Variants in THOC2 observed in about 807,000 individuals in gnomAD.
THOC2 encodes THO complex subunit 2.
THOC2 carries 10 observed loss-of-function variants against 128.4 expected under a neutral mutation model. That is an observed-to-expected ratio of 0.08 (90% confidence interval 0.05 to 0.13). THOC2 has a LOEUF of 0.13. Ranked by LOEUF, THOC2 falls within the 10% of genes least tolerant of loss-of-function variation. THOC2 has a pLI of 1.00. For synonymous variants in THOC2, 393 were observed against 396.9 expected (o/e 0.99, Z 0.12); for missense variants, 535 against 1,155.7 (o/e 0.46, Z 7.79).
chrX:123,673,333 C>T (rs1161123861), intron 8 of THOC2, among the ~76,000 whole-genome samples: 2 of 111,759 alleles, frequency 1.8e-5, no homozygotes, highest in Non-Finnish European at 3.8e-5. Context: ...AGAGAGACTC[C>T]ATCTCAAAAT....
intron 2 of THOC2, among the ~76,000 whole-genome samples, chrX:123,711,201 GT>G (rs1363863119): frequency 4.2e-5 from 4 of 95,466 alleles, no homozygotes; most frequent in African/African-American, 3.8e-5. Flanking sequence ...TTTTGTTTTT[GT>G]TTTTTTTTTG....
chrX:123,653,946 A>G (rs946010571), intron 12 of THOC2, among the ~76,000 whole-genome samples: 3 of 111,998 alleles, frequency 2.7e-5, no homozygotes, highest in Non-Finnish European at 5.6e-5. Flanking sequence ...CTATAAAGAC[A>G]CATGCACACG....
Position 123,703,376 on chromosome X carries a change from A to G in THOC2, c.274+78T>C. 6.2e-6 allele frequency: 4 copies of G among 642,761 alleles called. No homozygotes were observed. In the South Asian group the frequency reaches 1.1e-4, roughly 17 times the overall value. 53.0% of individuals were successfully genotyped at this position (642,761 alleles called of 1,213,427 possible). A position where few individuals can be genotyped will look rare whatever the true frequency, so the allele number is the denominator to read the frequency against. ...TTGCAGAAACATTTGTAAAATTCTT[A>G]GTTTAAAACATTTTATTTAACAAAC... On this transcript the variant is annotated intron_variant, in intron 4 of 38. Transcript: ENST00000245838.
intron 23 of THOC2, 78 bp downstream of exon 23, chrX:123,627,615 G>T: frequency 2.0e-6 from 2 of 1,008,601 alleles, no homozygotes; most frequent in Non-Finnish European, 1.4e-6. Context: ...AGGAACCAGA[G>T]CTAAAACAAT....
intron 8 of THOC2, among the ~76,000 whole-genome samples, chrX:123,681,667 A>G (rs1363837514): frequency 8.9e-6 from 1 of 112,340 alleles, no homozygotes; most frequent in East Asian, 2.8e-4. Flanking sequence ...TCTAAATTAA[A>G]AGAGACGAAG....
chrX:123,627,556 T>C, intron 23 of THOC2, 137 bp downstream of exon 23: 1 of 652,108 alleles, frequency 1.5e-6, no homozygotes, highest in Non-Finnish European at 2.3e-6. Context: ...GAAGTAACTA[T>C]TAAACCCCAT....
At chrX:123,603,393 C>A (rs1348600308) in intron 38 of THOC2, 1 of 328,313 alleles carries the variant, frequency 3.0e-6, no homozygotes, top group African/African-American at 2.7e-5. Flanking sequence ...CATTAAGGAA[C>A]TGGTTCCTGG....
chrX:123,619,460 C>T, intron 32 of THOC2, 24 bp from the exon 33 acceptor site: 1 of 1,207,214 alleles, frequency 8.3e-7, no homozygotes, highest in Non-Finnish European at 1.1e-6. Context: ...ATGGAGATGA[C>T]AGGTGAGCTG....
intron 12 of THOC2, among the ~76,000 whole-genome samples, chrX:123,659,578 A>G (rs1370999923): frequency 8.9e-6 from 1 of 112,269 alleles, no homozygotes; most frequent in Non-Finnish European, 1.9e-5. Context: ...TCAAAAAAAA[A>G]CAAAAACAAA....
In THOC2 at chrX:123,627,033, A is replaced by T. The variant is rs139154129; in HGVS notation, c.2758-371T>A. On this transcript the variant is annotated intron_variant, in intron 23 of 38. Coordinates refer to ENST00000245838, the MANE Select transcript of THOC2 (RefSeq NM_001081550.2). ...AGCCACCTAGCTGGTCTTTAGCCTA[A>T]TGCTAGTCAAAAAGCATCTTTCATA... Among the ~76,000 whole-genome samples the T allele has an allele frequency of 7.3e-3, 817 of 112,327 alleles. 6 individuals are homozygous for T. Among genetic ancestry groups the T allele is most frequent in the African/African-American group, 0.025 (763 of 30,975 alleles).
chrX:123,650,166 G>A (rs1442301188), intron 12 of THOC2, among the ~76,000 whole-genome samples: 3 of 111,628 alleles, frequency 2.7e-5, no homozygotes, highest in East Asian at 2.8e-4. Context: ...CATTCTTAAA[G>A]AAAAGAATTT....
chrX:123,683,289 A>G (rs1277980253), intron 8 of THOC2, among the ~76,000 whole-genome samples: 1 of 110,823 alleles, frequency 9.0e-6, no homozygotes, highest in East Asian at 2.8e-4. Flanking sequence ...TACTAGCATT[A>G]AGGGGAAAAA....
rs181114271 is a variant in THOC2, at chrX:123,624,205, G to A, written c.3187-14C>T. 1 of 1,160,006 alleles carries A rather than the reference G, an allele frequency of 8.6e-7. No individual in the cohort carries two copies. Among genetic ancestry groups the A allele is most frequent in the Non-Finnish European group, 1.1e-6 (1 of 874,296 alleles). ...GTTTCCACATTCCTAAGGAAACAATGTTTGTCACTTTTAAAGAAAAATTAT... is the reference window on the plus strand; with the variant it reads ...GTTTCCACATTCCTAAGGAAACAATATTTGTCACTTTTAAAGAAAAATTAT... On this transcript the variant is annotated splice_polypyrimidine_tract_variant and intron_variant, in intron 26 of 38. Coordinates refer to ENST00000245838, the MANE Select transcript of THOC2 (RefSeq NM_001081550.2).
rs1334718105 is a variant in THOC2 at position 123,682,221 on chromosome X, T to C, written c.768+4327A>G. Among the ~76,000 whole-genome samples the C allele has an allele frequency of 4.4e-5, 5 of 112,828 alleles. No homozygotes were observed. In the East Asian group the frequency reaches 8.2e-4, roughly 19 times the overall value. ...ATGGGGTTATAAGTATTCATTATAC[T>C]ATTCACTCTTTTCTACATTTGAAAA... On this transcript the variant is annotated intron_variant, in intron 8 of 38. Transcript: ENST00000245838.
Position 123,653,601 on chromosome X carries a change from G to A in THOC2, c.1387-8226C>T, listed in dbSNP as rs748501846. 1.1e-3 allele frequency among the ~76,000 whole-genome samples: 120 copies of A among 110,864 alleles called. 2 individuals are homozygous for A. Among genetic ancestry groups the A allele is most frequent in the African/African-American group, 3.1e-3 (96 of 30,546 alleles). On this transcript the variant is annotated intron_variant, in intron 12 of 38. Coordinates refer to ENST00000245838, the MANE Select transcript of THOC2 (RefSeq NM_001081550.2). ...AAAAAAAACCCATCAAAAAGTGGGC[G>A]AATGATATGAACAGACACTTCTCAA...
chrX:123,690,791 TAGAA>T (rs2050189848), intron 7 of THOC2, among the ~76,000 whole-genome samples: 1 of 112,146 alleles, frequency 8.9e-6, no homozygotes, highest in Non-Finnish European at 1.9e-5. Flanking sequence ...ATCTACAATG[TAGAA>T]AGAGTTTCTT....
intron 1 of THOC2, among the ~76,000 whole-genome samples, chrX:123,727,171 C>T (rs184457616): frequency 1.8e-5 from 2 of 110,626 alleles, no homozygotes; most frequent in South Asian, 3.9e-4. Flanking sequence ...GAGCCGTGAT[C>T]GCCTGCACTC....
chrX:123,692,872 A>G (rs777748888), intron 7 of THOC2, among the ~76,000 whole-genome samples: 1 of 111,799 alleles, frequency 8.9e-6, no homozygotes, highest in East Asian at 2.8e-4. Context: ...CCCTGAAAGT[A>G]TGTGCACCTA....
Position 123,644,635 on chromosome X carries a change from C to T in THOC2, c.1601G>A (p.Ser534Asn), listed in dbSNP as rs1256237309. The change falls in exon 15 of 39, where the codon AGT (serine) becomes AAT (asparagine). Residue 534 changes from serine to asparagine, a missense_variant. By Grantham distance (46) the Ser-to-Asn change is conservative. Transcript: ENST00000245838. The part of the protein sequence containing the change: ...YGQWKNETYN[S>N]HPLLVKVKAQ... ...TTTAACTTTTACTAAAAGTGGGTGA[C>T]TGTTATAAGTTTCATTCTTCCACTG... The T allele has an allele frequency of 1.7e-6, 2 of 1,205,690 alleles. No homozygotes were observed. Among genetic ancestry groups the T allele is most frequent in the Non-Finnish European group, 2.2e-6 (2 of 892,212 alleles).
Sources: allele counts gnomAD v4.1 joint callset (sites outside exome capture counted in the v4.1 genomes callset), GRCh38; gene constraint gnomAD v4.1.1; transcripts MANE v1.5; gene names NCBI Gene and HGNC (gene_info 2026-07-23, HGNC 2026-07-21).